STAT4: variants seen among roughly 807,000 people sequenced by gnomAD.
STAT4 encodes the protein signal transducer and activator of transcription 4.
Under a neutral mutation model 110.5 loss-of-function variants are expected in STAT4, and 42 were observed. The observed-to-expected ratio is 0.38, with a 90% CI of 0.30 to 0.49. The LOEUF (loss-of-function observed/expected upper bound fraction) is 0.49. Among genes scored for constraint, STAT4 ranks in the 20% least tolerant of loss-of-function variants. The pLI, the probability that STAT4 is intolerant of heterozygous loss-of-function variation, is 0.95. For missense variants in STAT4, 632 were observed against 887.9 expected (o/e 0.71, Z 3.66); for synonymous variants, 284 against 302.2 (o/e 0.94, Z 0.63).
chr2:191,034,961 C>G (rs1354919088), intron 17 of STAT4, among the ~76,000 whole-genome samples: 3 of 152,072 alleles, frequency 2.0e-5, no homozygotes, highest in Non-Finnish European at 4.4e-5. Flanking sequence ...ACGTTGGAGA[C>G]AGGAAGAGCT....
Position 191,058,615 on chromosome 2 carries a change from T to C in STAT4, c.1094+95A>G, listed in dbSNP as rs1208571556. ...ATTATATAATGTTAGATAAGTAAAT[T>C]TAAAAGTTCAAAATTATTCTATAAA... On this transcript the variant is annotated intron_variant, in intron 11 of 23. Transcript: ENST00000392320. The surrounding 1 kb of genome is among the most constrained non-coding windows in gnomAD (Gnocchi z 4.3). The C allele has an allele frequency of 6.5e-6, 5 of 768,418 alleles. No individual in the cohort carries two copies. The East Asian group carries it at 1.4e-4, about 22-fold the overall frequency. 47.6% of individuals were successfully genotyped at this position (768,418 alleles called of 1,614,324 possible).
intron 3 of STAT4, among the ~76,000 whole-genome samples, chr2:191,122,801 G>A (rs1698775351): frequency 6.6e-6 from 1 of 152,158 alleles, no homozygotes; most frequent in Non-Finnish European, 1.5e-5. Context: ...GTTCAAGATA[G>A]TCAAAACAAA....
chr2:191,117,454 C>T lies in STAT4; in HGVS notation c.273+29159G>A, dbSNP rs892223570. On this transcript the variant is annotated intron_variant, in intron 3 of 23. Coordinates refer to ENST00000392320, the MANE Select transcript of STAT4 (RefSeq NM_003151.4). The surrounding 1 kb of genome is among the most constrained non-coding windows in gnomAD (Gnocchi z 5.2). ...GTCCTAAAATAATACTTCTACAACT[C>T]CCATTAGACTCTATCTTTATTACTG... Among the ~76,000 whole-genome samples, 13 of 152,180 alleles carry T rather than the reference C, an allele frequency of 8.5e-5. 1 individual carries two copies. The highest frequency in any genetic ancestry group is 1.9e-4 in the Non-Finnish European group (13 of 68,032).
At chr2:191,109,551 A>G (rs1276710084) in intron 3 of STAT4, among the ~76,000 whole-genome samples, 1 of 152,336 alleles carries the variant, frequency 6.6e-6, no homozygotes, top group East Asian at 1.9e-4. Flanking sequence ...GATTTGTGAA[A>G]TGAGGTGGCT....
At position 191,113,282 on chromosome 2, in the gene STAT4, A is replaced by T. The variant is rs1458768208; in HGVS notation, c.273+33331T>A. 6.6e-6 allele frequency among the ~76,000 whole-genome samples: 1 copy of T among 152,200 alleles called. No homozygotes were observed. The highest frequency in any genetic ancestry group is 2.4e-5 in the African/African-American group (1 of 41,450). On this transcript the variant is annotated intron_variant, in intron 3 of 23. Coordinates refer to ENST00000392320, the MANE Select transcript of STAT4 (RefSeq NM_003151.4). This position sits in a 1 kb window ranked among gnomAD's most constrained non-coding sequence, Gnocchi z 4.8. ...TGATCTCACTGCTGTGAGTAATCAC[A>T]CCGAACAAGCATTATCTCTCCTATT...
Position 191,062,685 on chromosome 2 carries a change from C to T in STAT4, c.941+77G>A, listed in dbSNP as rs1696882266. The T allele has an allele frequency of 6.5e-7, 1 of 1,532,642 alleles. No homozygotes were observed. The highest frequency in any genetic ancestry group is 8.9e-7 in the Non-Finnish European group (1 of 1,118,842). 94.9% of individuals were successfully genotyped at this position (1,532,642 alleles called of 1,614,324 possible). A position where few individuals can be genotyped will look rare whatever the true frequency, so the allele number is the denominator to read the frequency against. On this transcript the variant is annotated intron_variant, in intron 9 of 23. Coordinates refer to ENST00000392320, the MANE Select transcript of STAT4 (RefSeq NM_003151.4). The surrounding 1 kb of genome is among the most constrained non-coding windows in gnomAD (Gnocchi z 4.9). Reference sequence around the variant, plus strand: ...GTTGAATACTTCCCTGCCACTCTTCCACCTAAACACCAAAACCTTAGGAAG... The same window carrying T: ...GTTGAATACTTCCCTGCCACTCTTCTACCTAAACACCAAAACCTTAGGAAG...
At position 191,039,051 on chromosome 2, in the gene STAT4, A is replaced by C. The variant is rs1559039173; in HGVS notation, c.1434+148T>G. Reference sequence around the variant, plus strand: ...AACATACTACTTTAAATATGACATGAGAGGAAACATACAACTAGAAATACT... The same window carrying C: ...AACATACTACTTTAAATATGACATGCGAGGAAACATACAACTAGAAATACT... On this transcript the variant is annotated intron_variant, in intron 16 of 23. Transcript: ENST00000392320. The surrounding 1 kb of genome is among the most constrained non-coding windows in gnomAD (Gnocchi z 4.7). 4.4e-6 allele frequency: 3 copies of C among 675,514 alleles called. No individual in the cohort carries two copies. The highest frequency in any genetic ancestry group is 8.0e-6 in the Non-Finnish European group (3 of 376,522). The allele number at this position is 675,514 out of a possible 1,614,324, so 41.8% of individuals were successfully genotyped here.
intron 3 of STAT4, among the ~76,000 whole-genome samples, chr2:191,076,695 G>C (rs981304507): frequency 4.0e-5 from 6 of 150,708 alleles, no homozygotes. Context: ...GCCCAGGCTG[G>C]AGTGCAATGG....
intron 3 of STAT4, among the ~76,000 whole-genome samples, chr2:191,122,590 C>T (rs1450991721): frequency 1.3e-5 from 2 of 152,044 alleles, no homozygotes; most frequent in Non-Finnish European, 2.9e-5. Flanking sequence ...TAAGCAAAAA[C>T]TGGAAATAGT....
In STAT4 at chr2:191,053,254, C is replaced by T. The variant is rs1457001203; in HGVS notation, c.1251+1236G>A. Among the ~76,000 whole-genome samples, 1 of 152,188 alleles carries T rather than the reference C, an allele frequency of 6.6e-6. No individual in the cohort carries two copies. The highest frequency in any genetic ancestry group is 6.5e-5 in the Admixed American group (1 of 15,276). On this transcript the variant is annotated intron_variant, in intron 14 of 23. Transcript: ENST00000392320. The surrounding 1 kb of genome is among the most constrained non-coding windows in gnomAD (Gnocchi z 4.5). ...ACCACCCCAGAAATAAACCTCACTG[C>T]TTCAAAACTGCATCACGTAGGTGGT... is the stretch of plus-strand genomic sequence containing the variant.
chr2:191,146,884 A>T lies in STAT4; in HGVS notation c.129-127T>A. 1 of 919,654 alleles carries T rather than the reference A, an allele frequency of 1.1e-6. No homozygotes were observed. Among genetic ancestry groups the T allele is most frequent in the Non-Finnish European group, 1.5e-6 (1 of 680,364 alleles). The allele number at this position is 919,654 out of a possible 1,614,324, so 57.0% of individuals were successfully genotyped here. ...AAGCATTTAAAAGTTTTAAAAAATT[A>T]AATTGTTAACATGAAGAGATGCTCA... On this transcript the variant is annotated intron_variant, in intron 2 of 23. Coordinates refer to ENST00000392320, the MANE Select transcript of STAT4 (RefSeq NM_003151.4). The surrounding 1 kb of genome is among the most constrained non-coding windows in gnomAD (Gnocchi z 4.5).
Position 191,150,446 on chromosome 2 carries a change from C to G in STAT4, c.-2+501G>C, listed in dbSNP as rs578150123. The stretch of plus-strand genomic sequence containing the variant: ...CTAAAGGGGCATTTTGTCCCACCGT[C>G]TGTGAGCTGGTGGTGCCGCTTTGGC... On this transcript the variant is annotated intron_variant, in intron 1 of 23. Transcript: ENST00000392320. The surrounding 1 kb of genome is among the most constrained non-coding windows in gnomAD (Gnocchi z 6.4). Among the ~76,000 whole-genome samples, 1 of 152,332 alleles carries G rather than the reference C, an allele frequency of 6.6e-6. No homozygotes were observed. The highest frequency in any genetic ancestry group is 2.4e-5 in the African/African-American group (1 of 41,570).
rs1200005151 is a variant in STAT4, at chr2:191,138,393, AT to A, written c.273+8219del. 6.6e-6 allele frequency among the ~76,000 whole-genome samples: 1 copy of A among 152,210 alleles called. No homozygotes were observed. The highest frequency in any genetic ancestry group is 2.4e-5 in the African/African-American group (1 of 41,474). On this transcript the variant is annotated intron_variant, in intron 3 of 23. Coordinates refer to ENST00000392320, the MANE Select transcript of STAT4 (RefSeq NM_003151.4). The surrounding 1 kb of genome is among the most constrained non-coding windows in gnomAD (Gnocchi z 4.3). The stretch of plus-strand genomic sequence containing the variant: ...CAAAAAAAGAAGAGAGAAGATCCAA[AT>A]AAGATTTCATTTCGCATCGAGAAAT...
intron 3 of STAT4, among the ~76,000 whole-genome samples, chr2:191,118,445 T>C (rs1050722898): frequency 4.8e-4 from 73 of 152,188 alleles, no homozygotes; most frequent in African/African-American, 1.7e-3. Flanking sequence ...CATCTTTCAC[T>C]TCCTCCCTTG....
chr2:191,107,664 GT>G lies in STAT4; in HGVS notation c.274-31340del, dbSNP rs1698317321. ...GTCCATCTTTTGGTTTTGATATAGT[GT>G]TTTGTTTGCAGGGTTAGCAAATATG... On this transcript the variant is annotated intron_variant, in intron 3 of 23. Transcript: ENST00000392320. This position sits in a 1 kb window ranked among gnomAD's most constrained non-coding sequence, Gnocchi z 4.2. Among the ~76,000 whole-genome samples the G allele has an allele frequency of 6.6e-6, 1 of 152,176 alleles. No individual in the cohort carries two copies. Among genetic ancestry groups the G allele is most frequent in the Non-Finnish European group, 1.5e-5 (1 of 68,032 alleles).
At position 191,085,741 on chromosome 2, in the gene STAT4, G is replaced by C. The variant is rs116816208; in HGVS notation, c.274-9416C>G. 7.4e-3 allele frequency among the ~76,000 whole-genome samples: 1,129 copies of C among 152,292 alleles called. 16 individuals carry two copies. The highest frequency in any genetic ancestry group is 0.026 in the African/African-American group (1,089 of 41,564). On this transcript the variant is annotated intron_variant, in intron 3 of 23. Transcript: ENST00000392320. ...TTGGAGACAGTGCCAATGGAATAGA[G>C]AGAAAACTTCCAGGACTCTCAGGGA...
chr2:191,113,784 A>C lies in STAT4; in HGVS notation c.273+32829T>G, dbSNP rs1698492014. Among the ~76,000 whole-genome samples, 1 of 152,234 alleles carries C rather than the reference A, an allele frequency of 6.6e-6. No individual in the cohort carries two copies. Among genetic ancestry groups the C allele is most frequent in the Non-Finnish European group, 1.5e-5 (1 of 68,036 alleles). On this transcript the variant is annotated intron_variant, in intron 3 of 23. Coordinates refer to ENST00000392320, the MANE Select transcript of STAT4 (RefSeq NM_003151.4). This position sits in a 1 kb window ranked among gnomAD's most constrained non-coding sequence, Gnocchi z 4.8. ...ATCTGTGAAAATTCCTTATTTTTTA[A>C]AAGTACACTTTTTGTACAGGGAGTA...
intron 3 of STAT4, among the ~76,000 whole-genome samples, chr2:191,126,354 A>G (rs1188387066): frequency 1.3e-5 from 2 of 152,230 alleles, no homozygotes; most frequent in African/African-American, 4.8e-5. Context: ...CATCTCCATG[A>G]AATGGGGACA....
rs1054924252 is a variant in STAT4 at position 191,050,757 on chromosome 2, T to C, written c.1251+3733A>G. ...CAAATGGGGTTCCTGAGGTACCTCT[T>C]TGGCATCTCTGGGTTTTCTGGGAAG... On this transcript the variant is annotated intron_variant, in intron 14 of 23. Coordinates refer to ENST00000392320, the MANE Select transcript of STAT4 (RefSeq NM_003151.4). The surrounding 1 kb of genome is among the most constrained non-coding windows in gnomAD (Gnocchi z 4.3). Among the ~76,000 whole-genome samples, 5 of 152,180 alleles carry C rather than the reference T, an allele frequency of 3.3e-5. No individual in the cohort carries two copies. Among genetic ancestry groups the C allele is most frequent in the Non-Finnish European group, 5.9e-5 (4 of 68,018 alleles).
Sources: gnomAD v4.1 joint callset for allele counts (sites outside exome capture counted in the v4.1 genomes callset) on GRCh38, gnomAD v4.1.1 for gene constraint, Gnocchi (gnomAD v3.1) non-coding constraint, MANE v1.5 for transcripts, NCBI Gene and HGNC (gene_info 2026-07-23, HGNC 2026-07-21) for gene names.